ABHD2: variants seen among roughly 807,000 people sequenced by gnomAD.
ABHD2 encodes abhydrolase domain containing 2, acylglycerol lipase.
In ABHD2, 20 loss-of-function variants were observed where a neutral mutation model predicts 48.1. The ratio of observed to expected loss-of-function variants is 0.42; its 90% confidence interval spans 0.29 to 0.60. The LOEUF is 0.60. Among genes scored for constraint, ABHD2 ranks in the 20% least tolerant of loss-of-function variants. ABHD2 has a pLI of 0.24. For synonymous variants in ABHD2, 209 were observed against 214.2 expected (o/e 0.98, Z 0.21); for missense variants, 405 against 550.9 (o/e 0.74, Z 2.65).
the ABHD2 span, among the ~76,000 whole-genome samples, chr15:89,043,517 G>A: frequency 6.8e-6 from 1 of 146,908 alleles, no homozygotes. Context: ...AGAGGAAGGA[G>A]GAAGAGGAGG....
At chr15:89,049,786 G>C in the ABHD2 span, among the ~76,000 whole-genome samples, 1 of 152,232 alleles carries the variant, frequency 6.6e-6, no homozygotes, top group African/African-American at 2.4e-5. Context: ...TGCGCCCACT[G>C]TCTGGCACTC....
At position 89,100,845 on chromosome 15, in the gene ABHD2, G is replaced by A. The variant is rs1444045214; in HGVS notation, c.-107+12282G>A. Among the ~76,000 whole-genome samples, 1 of 152,048 alleles carries A rather than the reference G, an allele frequency of 6.6e-6. No individual in the cohort carries two copies. The highest frequency in any genetic ancestry group is 6.5e-5 in the Admixed American group (1 of 15,270). Reference sequence around the variant, plus strand: ...GATGTGCCATTGCACTCCACCCTGGGCCACAGTGAGAGACTCCATCTCAAA... The same window carrying A: ...GATGTGCCATTGCACTCCACCCTGGACCACAGTGAGAGACTCCATCTCAAA... On this transcript the variant is annotated intron_variant, in intron 1 of 10. Transcript: ENST00000352732. The surrounding 1 kb of genome is among the most constrained non-coding windows in gnomAD (Gnocchi z 4.4).
rs1348656359 is a variant in ABHD2, at chr15:89,151,374, C to G, written c.195-303C>G. Among the ~76,000 whole-genome samples the G allele has an allele frequency of 6.6e-6, 1 of 152,172 alleles. No homozygotes were observed. Among genetic ancestry groups the G allele is most frequent in the Non-Finnish European group, 1.5e-5 (1 of 68,028 alleles). On this transcript the variant is annotated intron_variant, in intron 3 of 10. Transcript: ENST00000352732. This position sits in a 1 kb window ranked among gnomAD's most constrained non-coding sequence, Gnocchi z 4.7. ...GTGTTCAAAATATATCACTTGCTTT[C>G]TTTTTATTCTATATTATGGAAATAA...
rs1037193566 is a variant in ABHD2, at chr15:89,177,279, G to A, written c.722+1284G>A. Among the ~76,000 whole-genome samples, 1 of 152,210 alleles carries A rather than the reference G, an allele frequency of 6.6e-6. No individual in the cohort carries two copies. Among genetic ancestry groups the A allele is most frequent in the African/African-American group, 2.4e-5 (1 of 41,448 alleles). On this transcript the variant is annotated intron_variant, in intron 6 of 10. Coordinates refer to ENST00000352732, the MANE Select transcript of ABHD2 (RefSeq NM_152924.5). The surrounding 1 kb of genome is among the most constrained non-coding windows in gnomAD (Gnocchi z 5.6). ...TGCTTAGAACAGTGCCCAGCACGCAGAACGTAAGCCACTGTTCATTTTCAT... is the reference window on the plus strand; with the variant it reads ...TGCTTAGAACAGTGCCCAGCACGCAAAACGTAAGCCACTGTTCATTTTCAT...
At position 89,201,205 on chromosome 15, in the gene ABHD2, C is replaced by G. The variant is rs1277914319; in HGVS notation, c.*5782C>G. On this transcript the variant is annotated 3_prime_UTR_variant, in exon 11 of 11. Transcript: ENST00000352732. ...ATCCAGGTTTATCCGAATATGCTAC[C>G]TTTCTGAGCCTTAAACCTTCATCTC... is the stretch of plus-strand genomic sequence containing the variant. The G allele has an allele frequency of 1.4e-5, 20 of 1,474,218 alleles. No homozygotes were observed. Among genetic ancestry groups the G allele is most frequent in the Non-Finnish European group, 1.8e-5 (19 of 1,058,094 alleles). The allele number at this position is 1,474,218 out of a possible 1,614,324, so 91.3% of individuals were successfully genotyped here. A position where few individuals can be genotyped will look rare whatever the true frequency, so the allele number is the denominator to read the frequency against.
rs1006755385 is a variant in ABHD2, at chr15:89,146,364, G to A, written c.195-5313G>A. 1.3e-5 allele frequency among the ~76,000 whole-genome samples: 1 copy of A among 77,590 alleles called. No homozygotes were observed. Among genetic ancestry groups the A allele is most frequent in the African/African-American group, 6.4e-5 (1 of 15,518 alleles). 50.9% of individuals were successfully genotyped at this position (77,590 alleles called of 152,430 possible). ...TCTGCTCAAAGACGTACGTGTGTGT[G>A]TGTGTGTGTGTGTGTGTGTGTGTGT... On this transcript the variant is annotated intron_variant, in intron 3 of 10. Transcript: ENST00000352732. The surrounding 1 kb of genome is among the most constrained non-coding windows in gnomAD (Gnocchi z 4.2).
At chr15:89,113,310 G>T (rs756978079) in intron 1 of ABHD2, among the ~76,000 whole-genome samples, 2 of 152,198 alleles carry the variant, frequency 1.3e-5, no homozygotes, top group Admixed American at 6.5e-5. Flanking sequence ...TGTCCCTGCT[G>T]TATGTTTGGA....
the ABHD2 span, among the ~76,000 whole-genome samples, chr15:89,079,499 A>G: frequency 6.9e-6 from 1 of 145,022 alleles, no homozygotes; most frequent in African/African-American, 2.9e-5. The surrounding 1 kb of genome is among the most constrained non-coding windows in gnomAD (Gnocchi z 4.3). Flanking sequence ...AAACCTCTAC[A>G]TGGCAAAATA....
chr15:89,130,557 G>A (rs545393337), intron 3 of ABHD2, among the ~76,000 whole-genome samples: 1 of 152,234 alleles, frequency 6.6e-6, no homozygotes, highest in Non-Finnish European at 1.5e-5. Context: ...ACTAGAGACA[G>A]AAACTACAAA....
the ABHD2 span, among the ~76,000 whole-genome samples, chr15:89,049,594 C>G: frequency 6.6e-6 from 1 of 152,212 alleles, no homozygotes; most frequent in African/African-American, 2.4e-5. Flanking sequence ...TCTCCTCGTG[C>G]GCCGTTTTTT....
chr15:89,187,942 T>G (rs1319847904), intron 7 of ABHD2, among the ~76,000 whole-genome samples: 1 of 152,194 alleles, frequency 6.6e-6, no homozygotes, highest in African/African-American at 2.4e-5. Flanking sequence ...TCCCCTGTGC[T>G]GAAGGTTTTT....
chr15:89,138,585 A>T (rs2050352311), intron 3 of ABHD2, among the ~76,000 whole-genome samples: 2 of 152,268 alleles, frequency 1.3e-5, no homozygotes, highest in African/African-American at 2.4e-5. Flanking sequence ...TCTAACAAGA[A>T]GTCAGTTACA....
the ABHD2 span, among the ~76,000 whole-genome samples, chr15:89,070,591 ACACT>A: frequency 3.3e-5 from 5 of 152,146 alleles, no homozygotes; most frequent in African/African-American, 1.2e-4. Context: ...ATCTCAATAA[ACACT>A]CAGCAGATCT....
At chr15:89,045,064 C>A in the ABHD2 span, among the ~76,000 whole-genome samples, 1 of 152,116 alleles carries the variant, frequency 6.6e-6, no homozygotes, top group Admixed American at 6.6e-5. Context: ...TTTAATCCAC[C>A]TTGAATTGAT....
At chr15:89,148,132 A>G (rs1428197526) in intron 3 of ABHD2, among the ~76,000 whole-genome samples, 1 of 150,452 alleles carries the variant, frequency 6.6e-6, no homozygotes, top group Non-Finnish European at 1.5e-5. Flanking sequence ...AAAAAAAAAA[A>G]AAAAAAAAAC....
At chr15:89,060,913 AT>A in the ABHD2 span, among the ~76,000 whole-genome samples, 1 of 152,202 alleles carries the variant, frequency 6.6e-6, no homozygotes, top group Non-Finnish European at 1.5e-5. Flanking sequence ...TTAAAAAAAA[AT>A]AATGAAATCA....
intron 3 of ABHD2, among the ~76,000 whole-genome samples, chr15:89,147,610 C>T (rs2150879619): frequency 6.6e-6 from 1 of 151,466 alleles, no homozygotes; most frequent in Non-Finnish European, 1.5e-5. Context: ...GCCTCGGCCT[C>T]CCAAAGTGCT....
intron 1 of ABHD2, among the ~76,000 whole-genome samples, chr15:89,093,063 G>A (rs958339329): frequency 1.6e-4 from 25 of 152,094 alleles, no homozygotes; most frequent in African/African-American, 2.9e-4. Context: ...TCGCCTTGCC[G>A]TCTGTGCAGA....
Position 89,181,372 on chromosome 15 carries a change from G to A in ABHD2, c.723-4052G>A, listed in dbSNP as rs187340678. ...AAGTAAAAATACTTCTTAGGTCGGT[G>A]TGATAGCATTATGGGAAAGTACTTA... On this transcript the variant is annotated intron_variant, in intron 6 of 10. Transcript: ENST00000352732. Among the ~76,000 whole-genome samples the A allele has an allele frequency of 2.6e-5, 4 of 152,172 alleles. No homozygotes were observed. The East Asian group carries it at 7.7e-4, about 29-fold the overall frequency.
Sources: allele counts gnomAD v4.1 joint callset (sites outside exome capture counted in the v4.1 genomes callset), GRCh38; gene constraint gnomAD v4.1.1; non-coding constraint Gnocchi (gnomAD v3.1); transcripts MANE v1.5; gene names NCBI Gene and HGNC (gene_info 2026-07-23, HGNC 2026-07-21).